The following GRIA1 variants were observed in gnomAD, a reference collection of about 807,000 sequenced individuals.
GRIA1 encodes glutamate receptor 1.
In GRIA1, 31 loss-of-function variants were observed where a neutral mutation model predicts 99.2. The observed-to-expected ratio is 0.31, with a 90% CI of 0.23 to 0.42. The LOEUF (loss-of-function observed/expected upper bound fraction) is 0.42, where lower values mean the gene tolerates loss of function less well. GRIA1 is among the 10% of genes least tolerant of loss of function. The pLI is 1.00. For synonymous variants in GRIA1, 438 were observed against 432.4 expected (o/e 1.01, Z -0.16); for missense variants, 782 against 1,157.5 (o/e 0.68, Z 4.71).
chr5:153,745,433 C>CA (rs1388486818), intron 11 of GRIA1, among the ~76,000 whole-genome samples: 5 of 151,306 alleles, frequency 3.3e-5, no homozygotes, highest in South Asian at 2.1e-4. Context: ...ACTAAAGATA[C>CA]AAAAAATTAG....
chr5:153,551,986 C>G (rs1486043932), intron 2 of GRIA1, among the ~76,000 whole-genome samples: 1 of 152,186 alleles, frequency 6.6e-6, no homozygotes. Flanking sequence ...GTCACATGCT[C>G]TATTCAGAAT....
At chr5:153,739,415 G>C (rs1281907192) in intron 11 of GRIA1, among the ~76,000 whole-genome samples, 2 of 152,162 alleles carry the variant, frequency 1.3e-5, no homozygotes, top group Admixed American at 6.5e-5. Flanking sequence ...AGTGTCACTA[G>C]CACAAGGCCT....
chr5:153,599,073 G>T (rs1764667416), intron 2 of GRIA1, among the ~76,000 whole-genome samples: 1 of 152,010 alleles, frequency 6.6e-6, no homozygotes, highest in Non-Finnish European at 1.5e-5. Context: ...TAGTAGAGAT[G>T]GGGTTTCACC....
chr5:153,525,236 C>CA (rs1447044867), intron 2 of GRIA1: 1 of 152,192 alleles, frequency 6.6e-6, no homozygotes, highest in Non-Finnish European at 1.5e-5. Flanking sequence ...TCCTGGGGGA[C>CA]ATGTGGCAAT....
At chr5:153,570,185 T>A (rs1388989952) in intron 2 of GRIA1, among the ~76,000 whole-genome samples, 1 of 152,194 alleles carries the variant, frequency 6.6e-6, no homozygotes, top group African/African-American at 2.4e-5. Flanking sequence ...ATATTCTCTA[T>A]CCCCGAGATG....
chr5:153,560,150 C>T (rs1264416902), intron 2 of GRIA1, among the ~76,000 whole-genome samples: 1 of 152,244 alleles, frequency 6.6e-6, no homozygotes, highest in Non-Finnish European at 1.5e-5. Flanking sequence ...TCCTGACTTC[C>T]TGCCCTGCTA....
chr5:153,569,624 GTGT>G (rs1486730668), intron 2 of GRIA1, among the ~76,000 whole-genome samples: 30 of 152,290 alleles, frequency 2.0e-4, no homozygotes, highest in South Asian at 1.2e-3. Flanking sequence ...TTACATTTTT[GTGT>G]TTGCTTAGTA....
intron 12 of GRIA1, 128 bp downstream of exon 12, chr5:153,764,760 G>C: frequency 1.5e-6 from 1 of 652,656 alleles, no homozygotes; most frequent in South Asian, 1.9e-5. Context: ...CTGTAAGTCA[G>C]GGAAACTCAG....
chr5:153,643,830 T>G lies in GRIA1; in HGVS notation c.221-3098T>G, dbSNP rs149800467. On this transcript the variant is annotated intron_variant, in intron 2 of 15. Transcript: ENST00000285900. ...AGATAATTTGAAGGGGAAAATGTCC[T>G]GGCCTCCTGTGTGTCTAAGGATTTG... 8.4e-3 allele frequency among the ~76,000 whole-genome samples: 1,283 copies of G among 152,352 alleles called. 15 individuals carry two copies. The highest frequency in any genetic ancestry group is 0.014 in the Non-Finnish European group (949 of 68,034).
At chr5:153,763,488 T>C (rs17356099) in intron 11 of GRIA1, among the ~76,000 whole-genome samples, 8,257 of 152,292 alleles carry the variant, frequency 0.054, 261 homozygotes, top group Middle Eastern at 0.12. Context: ...TAACACTTCC[T>C]TGATAAATTG....
intron 2 of GRIA1, among the ~76,000 whole-genome samples, chr5:153,560,619 C>T (rs1220509964): frequency 1.3e-5 from 2 of 152,186 alleles, no homozygotes; most frequent in Non-Finnish European, 2.9e-5. Flanking sequence ...AGTGCCTTTG[C>T]TCTTCTACCA....
chr5:153,782,513 T>C (rs999240546), intron 13 of GRIA1, among the ~76,000 whole-genome samples: 1 of 152,130 alleles, frequency 6.6e-6, no homozygotes, highest in South Asian at 2.1e-4. Flanking sequence ...TTATATAAAC[T>C]ATACAACTTT....
rs1757761173 is a variant in GRIA1, at chr5:153,691,599, G to T, written c.1134+5270G>T. On this transcript the variant is annotated intron_variant, in intron 8 of 15. Transcript: ENST00000285900. ...AAAAGTAATCTTCTAAAGTCCCAAAGAATTTATAGCTTGCCATTCCATATG... is the reference window on the plus strand; with the variant it reads ...AAAAGTAATCTTCTAAAGTCCCAAATAATTTATAGCTTGCCATTCCATATG... Among the ~76,000 whole-genome samples the T allele has an allele frequency of 2.6e-5, 4 of 152,168 alleles. No homozygotes were observed. In the South Asian group the frequency reaches 8.3e-4, roughly 31 times the overall value.
chr5:153,653,603 G>T (rs1041888085), intron 4 of GRIA1, among the ~76,000 whole-genome samples: 2 of 152,126 alleles, frequency 1.3e-5, no homozygotes, highest in African/African-American at 2.4e-5. Context: ...ACCTGTTGAG[G>T]TTATCCATCA....
At chr5:153,808,538 T>C (rs1561877897) in intron 15 of GRIA1, among the ~76,000 whole-genome samples, 1 of 152,216 alleles carries the variant, frequency 6.6e-6, no homozygotes, top group Non-Finnish European at 1.5e-5. Context: ...GTGGTTCAAC[T>C]TTGCTTGCAT....
intron 11 of GRIA1, among the ~76,000 whole-genome samples, chr5:153,710,220 T>G (rs1408174939): frequency 7.5e-6 from 1 of 133,244 alleles, no homozygotes; most frequent in Non-Finnish European, 1.6e-5. Context: ...AGCCTGCTTC[T>G]TGTTCAAAAA....
intron 15 of GRIA1, among the ~76,000 whole-genome samples, chr5:153,810,354 T>C (rs922953954): frequency 6.6e-6 from 1 of 152,236 alleles, no homozygotes; most frequent in Non-Finnish European, 1.5e-5. Flanking sequence ...ATTTTGCATA[T>C]TGTATTATTC....
intron 2 of GRIA1, among the ~76,000 whole-genome samples, chr5:153,617,793 C>T (rs1364052030): frequency 6.6e-6 from 1 of 152,156 alleles, no homozygotes; most frequent in Non-Finnish European, 1.5e-5. Flanking sequence ...CCCCTCCTCT[C>T]TACCTTCTTT....
intron 2 of GRIA1, among the ~76,000 whole-genome samples, chr5:153,521,658 A>G (rs571845436): frequency 6.6e-6 from 1 of 152,294 alleles, no homozygotes; most frequent in South Asian, 2.1e-4. Context: ...ATAGCTTCAG[A>G]TGTAGCTCTG....
Sources: allele counts gnomAD v4.1 joint callset (sites outside exome capture counted in the v4.1 genomes callset), GRCh38; gene constraint gnomAD v4.1.1; transcripts MANE v1.5; gene names NCBI Gene and HGNC (gene_info 2026-07-23, HGNC 2026-07-21).